Variants in RBMS3 observed in about 807,000 individuals in gnomAD.
RBMS3 encodes RNA-binding motif, single-stranded-interacting protein 3.
A neutral mutation model predicts 66.8 loss-of-function variants in RBMS3; 27 were observed. That is an observed-to-expected ratio of 0.40 (90% CI 0.30 to 0.56). The LOEUF is 0.56. Among genes scored for constraint, RBMS3 ranks in the 20% least tolerant of loss-of-function variants. RBMS3 has a pLI of 0.40. For synonymous variants in RBMS3, 188 were observed against 183.0 expected (o/e 1.03, Z -0.22); for missense variants, 513 against 549.5 (o/e 0.93, Z 0.66).
chr3:29,987,941 A>G (rs1371211012), intron 12 of RBMS3: 11 of 491,224 alleles, frequency 2.2e-5, no homozygotes, highest in African/African-American at 2.1e-4. Flanking sequence ...ATTAAGAGGT[A>G]GGGCTACTGT....
intron 1 of RBMS3, among the ~76,000 whole-genome samples, chr3:29,377,579 G>C (rs2038542331): frequency 6.6e-6 from 1 of 152,150 alleles, no homozygotes; most frequent in African/African-American, 2.4e-5. Flanking sequence ...ATGCCCCTCT[G>C]AGCAGTTTAT....
In RBMS3 at chr3:30,006,096, C is replaced by T. The variant is rs1267480675; in HGVS notation, c.*2234C>T. 1.3e-5 allele frequency: 2 copies of T among 151,810 alleles called. No individual in the cohort carries two copies. Among genetic ancestry groups the T allele is most frequent in the Non-Finnish European group, 2.9e-5 (2 of 67,818 alleles). 9.4% of individuals were successfully genotyped at this position (151,810 alleles called of 1,614,324 possible). On this transcript the variant is annotated 3_prime_UTR_variant, in exon 15 of 15. Transcript: ENST00000383767. Reference sequence around the variant, plus strand: ...CACTAGATTGCTTTCTGAATGAATCCTTTGAATCAAATAGGTGAAACTCTT... The same window carrying T: ...CACTAGATTGCTTTCTGAATGAATCTTTTGAATCAAATAGGTGAAACTCTT...
intron 1 of RBMS3, among the ~76,000 whole-genome samples, chr3:29,285,373 A>G (rs1487376027): frequency 3.9e-5 from 6 of 152,070 alleles, no homozygotes; most frequent in Non-Finnish European, 7.4e-5. Context: ...CAGCCGAGAA[A>G]TAGATATTTC....
At chr3:29,814,793 A>T (rs564059158) in intron 6 of RBMS3, among the ~76,000 whole-genome samples, 92 of 152,202 alleles carry the variant, frequency 6.0e-4, no homozygotes, top group African/African-American at 9.6e-4. Flanking sequence ...TAATAAATTT[A>T]AAAAAAATTG....
rs148691765 is a variant in RBMS3 at position 29,962,551 on chromosome 3, C to CATATATATATATATATATATAT, written c.1098+18314_1098+18315insTATATATATATATATATATATA. On this transcript the variant is annotated intron_variant, in intron 12 of 14. Coordinates refer to ENST00000383767, the MANE Select transcript of RBMS3 (RefSeq NM_001003793.3). Reference sequence around the variant, plus strand: ...TCTGTTTTTAATATGGGTCAAGACTCATATATATATATATATAATACCATA... The same window carrying CATATATATATATATATATATAT: ...TCTGTTTTTAATATGGGTCAAGACTCATATATATATATATATATATATATATATATATATATATAATACCATA... Among the ~76,000 whole-genome samples, 620 of 135,086 alleles carry CATATATATATATATATATATAT rather than the reference C, an allele frequency of 4.6e-3. 12 individuals are homozygous for CATATATATATATATATATATAT. Among genetic ancestry groups the CATATATATATATATATATATAT allele is most frequent in the East Asian group, 0.039 (181 of 4,596 alleles). 88.6% of individuals were successfully genotyped at this position (135,086 alleles called of 152,430 possible).
At chr3:29,688,503 T>C (rs765075989) in intron 4 of RBMS3, among the ~76,000 whole-genome samples, 3 of 151,394 alleles carry the variant, frequency 2.0e-5, no homozygotes, top group Non-Finnish European at 4.4e-5. Flanking sequence ...TGGTTTAGTA[T>C]ATAAATTTGT....
At chr3:29,818,826 T>G (rs1038770192) in intron 6 of RBMS3, among the ~76,000 whole-genome samples, 2 of 152,124 alleles carry the variant, frequency 1.3e-5, no homozygotes, top group Non-Finnish European at 2.9e-5. Flanking sequence ...TAAGCATAAA[T>G]TAGTTATGTT....
chr3:29,865,541 G>A (rs2059339047), intron 6 of RBMS3, among the ~76,000 whole-genome samples: 1 of 152,152 alleles, frequency 6.6e-6, no homozygotes, highest in African/African-American at 2.4e-5. Context: ...ATCAGAGAAG[G>A]TTTTAAGAAC....
chr3:29,541,089 C>T lies in RBMS3; in HGVS notation c.308-46025C>T, dbSNP rs1295974206. ...TGTGAAGTGGCCTAACCGAATTTAC[C>T]CTTGGTGTCACCTGTAACTGTTTAA... On this transcript the variant is annotated intron_variant, in intron 3 of 14. Coordinates refer to ENST00000383767, the MANE Select transcript of RBMS3 (RefSeq NM_001003793.3). Among the ~76,000 whole-genome samples, 5 of 152,156 alleles carry T rather than the reference C, an allele frequency of 3.3e-5. No individual in the cohort carries two copies. In the South Asian group the frequency reaches 1.0e-3, roughly 31 times the overall value.
chr3:29,416,183 T>G lies in RBMS3; in HGVS notation c.76-18560T>G, dbSNP rs76275995. Among the ~76,000 whole-genome samples, 479 of 150,334 alleles carry G rather than the reference T, an allele frequency of 3.2e-3. 3 individuals are homozygous for G. Among genetic ancestry groups the G allele is most frequent in the African/African-American group, 0.011 (460 of 41,376 alleles). The stretch of plus-strand genomic sequence containing the variant: ...ATCACCTCTTGATATGACAGAGAGA[T>G]AGAATTTTCAGAACACCTCTTGGTG... On this transcript the variant is annotated intron_variant, in intron 1 of 14. Transcript: ENST00000383767.
chr3:29,460,859 G>A (rs1055591627), intron 2 of RBMS3, among the ~76,000 whole-genome samples: 1 of 152,176 alleles, frequency 6.6e-6, no homozygotes, highest in Admixed American at 6.5e-5. Context: ...ATTCTCAGGA[G>A]TTATTAATTT....
chr3:29,705,705 C>T (rs1389310591), intron 4 of RBMS3, among the ~76,000 whole-genome samples: 3 of 152,168 alleles, frequency 2.0e-5, no homozygotes, highest in Non-Finnish European at 4.4e-5. Context: ...CCTCAATTCA[C>T]GGAGAAGCAT....
At chr3:29,534,544 T>G (rs2045480316) in intron 3 of RBMS3, among the ~76,000 whole-genome samples, 1 of 152,250 alleles carries the variant, frequency 6.6e-6, no homozygotes, top group Non-Finnish European at 1.5e-5. Context: ...TTACATCTGT[T>G]AAATATGATA....
intron 3 of RBMS3, among the ~76,000 whole-genome samples, chr3:29,500,940 A>G (rs964918450): frequency 6.6e-6 from 1 of 152,096 alleles, no homozygotes; most frequent in African/African-American, 2.4e-5. Context: ...ATTTACCTAA[A>G]AGTTTATATT....
intron 3 of RBMS3, among the ~76,000 whole-genome samples, chr3:29,577,131 C>T (rs1414491954): frequency 6.6e-6 from 1 of 152,180 alleles, no homozygotes; most frequent in Non-Finnish European, 1.5e-5. Context: ...ATGAATCCTT[C>T]CAGGACTAGG....
chr3:29,696,874 G>A (rs1038675052), intron 4 of RBMS3: 1 of 829,266 alleles, frequency 1.2e-6, no homozygotes. Flanking sequence ...CAAGGGGTGA[G>A]GGAGCTAGGT....
intron 4 of RBMS3, among the ~76,000 whole-genome samples, chr3:29,676,929 A>G (rs781205079): frequency 1.3e-5 from 2 of 152,160 alleles, no homozygotes; most frequent in Non-Finnish European, 2.9e-5. Flanking sequence ...TATGAAGAAA[A>G]GAGGTTTAAT....
chr3:29,766,581 A>G (rs193162543), intron 6 of RBMS3: 1 of 152,000 alleles, frequency 6.6e-6, no homozygotes, highest in Non-Finnish European at 1.5e-5. Flanking sequence ...AACACGCTTT[A>G]TTTCTCTGGG....
intron 6 of RBMS3, among the ~76,000 whole-genome samples, chr3:29,798,923 C>G (rs1049538927): frequency 7.2e-6 from 1 of 138,320 alleles, no homozygotes; most frequent in African/African-American, 2.8e-5. Flanking sequence ...TGATTTGTAC[C>G]CTCTGGTTTT....
Sources: allele counts gnomAD v4.1 joint callset (sites outside exome capture counted in the v4.1 genomes callset), GRCh38; gene constraint gnomAD v4.1.1; transcripts MANE v1.5; gene names NCBI Gene and HGNC (gene_info 2026-07-23, HGNC 2026-07-21).